Variants in NAMPT observed in about 807,000 individuals in gnomAD.
NAMPT encodes the protein NAmPRTase.
NAMPT carries 7 observed loss-of-function variants against 58.7 expected under a neutral mutation model. That is an observed-to-expected ratio of 0.12 (90% confidence interval 0.07 to 0.22). The LOEUF is 0.22. Ranked by LOEUF, NAMPT falls within the 10% of genes least tolerant of loss-of-function variation. The pLI is 1.00. For synonymous variants in NAMPT, 145 were observed against 198.1 expected (o/e 0.73, Z 2.25); for missense variants, 271 against 567.9 (o/e 0.48, Z 5.31).
At chr7:106,265,512 T>C (rs1792392842) in intron 6 of NAMPT, among the ~76,000 whole-genome samples, 1 of 151,258 alleles carries the variant, frequency 6.6e-6, no homozygotes, top group Admixed American at 6.6e-5. Context: ...TTCTCATAGT[T>C]CTGACTTAGG....
At chr7:106,251,311 T>G in intron 10 of NAMPT, 118 bp from the exon 11 acceptor site, 1 of 677,166 alleles carries the variant, frequency 1.5e-6, no homozygotes, top group Non-Finnish European at 2.6e-6. Flanking sequence ...GTGTTCAAAT[T>G]GTGAGATGAT....
chr7:106,249,283 CATATT>C lies in NAMPT; in HGVS notation c.*1795_*1799del, dbSNP rs1562809851. On this transcript the variant is annotated 3_prime_UTR_variant, in exon 11 of 11. Coordinates refer to ENST00000222553, the MANE Select transcript of NAMPT (RefSeq NM_005746.3). ...CATGTTTAAAGAACCATCTGAAAAA[CATATT>C]CTTTCTAATACCACTTACAAAAAAC... The C allele has an allele frequency of 6.6e-6, 1 of 152,434 alleles. No homozygotes were observed. Among genetic ancestry groups the C allele is most frequent in the African/African-American group, 2.4e-5 (1 of 41,410 alleles). 9.4% of individuals were successfully genotyped at this position (152,434 alleles called of 1,614,324 possible).
intron 1 of NAMPT, 97 bp downstream of exon 1, chr7:106,284,726 GCCCCA>G: frequency 4.3e-6 from 2 of 464,966 alleles, no homozygotes; most frequent in Non-Finnish European, 5.8e-6. Context: ...CCTAGCCCCA[GCCCCA>G]GCCCCAACCC....
At chr7:106,262,668 C>G (rs1480128864) in intron 7 of NAMPT, among the ~76,000 whole-genome samples, 1 of 152,116 alleles carries the variant, frequency 6.6e-6, no homozygotes, top group Admixed American at 6.5e-5. Context: ...AAAAGACCTA[C>G]ACTGGATATC....
chr7:106,263,279 A>T, intron 7 of NAMPT, 113 bp downstream of exon 7: 1 of 748,972 alleles, frequency 1.3e-6, no homozygotes, highest in Non-Finnish European at 2.2e-6. Context: ...ACTCTAAAAT[A>T]AAGGGGACTG....
In NAMPT at chr7:106,257,144, C is replaced by CA. The variant is rs919905307; in HGVS notation, c.1090-2641dup. On this transcript the variant is annotated intron_variant, in intron 8 of 10. Transcript: ENST00000222553. ...GGGCAACAAGAGCAAAACTCCATCT[C>CA]AAAAAAAAAAAAGAGAAAAAGATAT... Among the ~76,000 whole-genome samples, 859 of 136,282 alleles carry CA rather than the reference C, an allele frequency of 6.3e-3. 6 individuals are homozygous for CA. The highest frequency in any genetic ancestry group is 0.017 in the African/African-American group (641 of 37,264). 89.4% of individuals were successfully genotyped at this position (136,282 alleles called of 152,430 possible). A position where few individuals can be genotyped will look rare whatever the true frequency, so the allele number is the denominator to read the frequency against.
chr7:106,270,289 A>T, intron 4 of NAMPT: 1 of 424,750 alleles, frequency 2.4e-6, no homozygotes, highest in Admixed American at 2.7e-5. Context: ...AAGCAGCTTC[A>T]AATCTGTTTG....
intron 4 of NAMPT, chr7:106,272,099 G>A (rs1205844891): frequency 2.6e-6 from 1 of 389,672 alleles, no homozygotes; most frequent in South Asian, 2.0e-5. Context: ...TAGATCCTAA[G>A]ACCTAAACTG....
At chr7:106,251,378 AGTT>A (rs2115713651) in intron 10 of NAMPT, among the ~76,000 whole-genome samples, 185 bp from the exon 11 acceptor site, 1 of 152,246 alleles carries the variant, frequency 6.6e-6, no homozygotes, top group Non-Finnish European at 1.5e-5. Flanking sequence ...CCAATCACTG[AGTT>A]GCCTGGTATG....
intron 6 of NAMPT, among the ~76,000 whole-genome samples, chr7:106,267,613 A>G (rs371739400): frequency 0.015 from 2,255 of 151,936 alleles, 62 homozygotes; most frequent in African/African-American, 0.052. Flanking sequence ...AGGCCGAGGC[A>G]GGCGGATCAC....
chr7:106,275,307 AATG>A (rs1405150395), intron 2 of NAMPT: 8 of 243,262 alleles, frequency 3.3e-5, no homozygotes, highest in Admixed American at 1.6e-4. Flanking sequence ...AGCTTTTAAA[AATG>A]ATATTAACTT....
Position 106,277,085 on chromosome 7 carries a change from T to C in NAMPT, c.152A>G (p.Lys51Arg), listed in dbSNP as rs139282739. ...AAATACTGTTTCCTCATATTTCACC[T>C]TCCTTAATTTGGAGTTTTCTGTCTT... ...EKKTENSKLR[K>R]VKYEETVFYG... Residue 51 changes from lysine (K) to arginine (R), a missense_variant, in exon 2 of 11, where the codon AAG (lysine) becomes AGG (arginine). By Grantham distance (26) the Lys-to-Arg change is conservative. This residue lies in a region of NAMPT where 103 missense variants were observed against 194.2 expected (regional missense o/e 0.53). Coordinates refer to ENST00000222553, the MANE Select transcript of NAMPT (RefSeq NM_005746.3). The C allele has an allele frequency of 1.4e-5, 22 of 1,605,920 alleles. No individual in the cohort carries two copies. Among genetic ancestry groups the C allele is most frequent in the Non-Finnish European group, 1.9e-5 (22 of 1,172,832 alleles).
chr7:106,257,397 C>T (rs902937591), intron 8 of NAMPT, among the ~76,000 whole-genome samples: 2 of 149,142 alleles, frequency 1.3e-5, no homozygotes, highest in African/African-American at 2.5e-5. Flanking sequence ...TCAAGGAGTT[C>T]GAGGCCAAAC....
Position 106,267,947 on chromosome 7 carries a change from C to G in NAMPT, c.743+517G>C, listed in dbSNP as rs1167828125. Reference sequence around the variant, plus strand: ...CTGCAGTTTAGATTGTAATTTCTTTCTTGGGTAACTGGAGATAGTTTACTG... The same window carrying G: ...CTGCAGTTTAGATTGTAATTTCTTTGTTGGGTAACTGGAGATAGTTTACTG... On this transcript the variant is annotated intron_variant, in intron 6 of 10. Coordinates refer to ENST00000222553, the MANE Select transcript of NAMPT (RefSeq NM_005746.3). 1.5e-4 allele frequency among the ~76,000 whole-genome samples: 21 copies of G among 136,058 alleles called. 1 individual carries two copies. The Admixed American group carries it at 1.7e-3, about 11-fold the overall frequency. The allele number at this position is 136,058 out of a possible 152,430, so 89.3% of individuals were successfully genotyped here. A position where few individuals can be genotyped will look rare whatever the true frequency, so the allele number is the denominator to read the frequency against.
At position 106,268,504 on chromosome 7, in the gene NAMPT, C is replaced by A. The variant is rs1453572596; in HGVS notation, c.703G>T (p.Asp235Tyr). Residue 235 changes from aspartate (D) to tyrosine (Y), a missense_variant, in exon 6 of 11, where the codon GAT (aspartate) becomes TAT (tyrosine). By Grantham distance (160) the Asp-to-Tyr change is radical. This residue lies in a region of NAMPT where 143 missense variants were observed against 331.1 expected (regional missense o/e 0.43). Coordinates refer to ENST00000222553, the MANE Select transcript of NAMPT (RefSeq NM_005746.3). Reference sequence around the variant, plus strand: ...GGAACAGAATAGCCTGGAACAGGATCTTTCGTTCCATAATATTTTTTAATT... The same window carrying A: ...GGAACAGAATAGCCTGGAACAGGATATTTCGTTCCATAATATTTTTTAATT... ...ALIKKYYGTKDPVPGYSVPAA... is the reference protein window; with the variant it reads ...ALIKKYYGTKYPVPGYSVPAA... The A allele has an allele frequency of 3.1e-6, 5 of 1,613,772 alleles. No homozygotes were observed. The Admixed American group carries it at 8.3e-5, about 27-fold the overall frequency.
At chr7:106,256,902 G>A (rs1018466817) in intron 8 of NAMPT, among the ~76,000 whole-genome samples, 34 of 152,272 alleles carry the variant, frequency 2.2e-4, no homozygotes, top group Non-Finnish European at 4.1e-4. Flanking sequence ...CTGGCCAGGC[G>A]CAATGGCTCA....
At chr7:106,278,362 T>G (rs774028660) in intron 1 of NAMPT, among the ~76,000 whole-genome samples, 11 of 152,006 alleles carry the variant, frequency 7.2e-5, no homozygotes, top group Non-Finnish European at 1.6e-4. Flanking sequence ...ACAGACAACC[T>G]TGGAGGTAAA....
intron 8 of NAMPT, among the ~76,000 whole-genome samples, chr7:106,258,496 T>G (rs1327824719): frequency 6.6e-6 from 1 of 152,178 alleles, no homozygotes; most frequent in Non-Finnish European, 1.5e-5. Flanking sequence ...ACAGAGTATT[T>G]TAGGTGTTAT....
In NAMPT at chr7:106,269,271, T is replaced by C. The variant is rs749108304; in HGVS notation, c.489A>G (p.Thr163=). The change falls in exon 5 of 11, where the codon ACA becomes ACG. Residue 163 remains threonine (T), a synonymous_variant. Transcript: ENST00000222553. ...ATATTTTCTTCTGCTCTCTAGAATT[T>C]GTGGCCACTGTGATTGGATACCAGG... is the stretch of plus-strand genomic sequence containing the variant. ...VQSWYPITVA[T]NSREQKKILA... is the part of the protein sequence containing the mutation. 1 of 1,613,700 alleles carries C rather than the reference T, an allele frequency of 6.2e-7. No homozygotes were observed. The highest frequency in any genetic ancestry group is 2.2e-5 in the East Asian group (1 of 44,854).
Sources: gnomAD v4.1 joint callset for allele counts (sites outside exome capture counted in the v4.1 genomes callset) on GRCh38, gnomAD v4.1.1 for gene constraint, gnomAD v4.1.1 regional missense constraint, MANE v1.5 for transcripts, NCBI Gene and HGNC (gene_info 2026-07-23, HGNC 2026-07-21) for gene names.